GNA14: variants seen among roughly 807,000 people sequenced by gnomAD.
The protein encoded by GNA14 is guanine nucleotide-binding protein subunit alpha-14.
Under a neutral mutation model 42.0 loss-of-function variants are expected in GNA14, and 50 were observed. The observed-to-expected ratio is 1.19, with a 90% CI of 0.95 to 1.51. GNA14 has a LOEUF of 1.51. Ranked by LOEUF, GNA14 falls within the 40% of genes most tolerant of loss-of-function variation. GNA14 has a pLI of 0.00. For synonymous variants in GNA14, 173 were observed against 163.1 expected (o/e 1.06, Z -0.46); for missense variants, 473 against 446.2 (o/e 1.06, Z -0.54).
At chr9:77,591,047 C>G (rs1487905957) in intron 1 of GNA14, among the ~76,000 whole-genome samples, 2 of 152,194 alleles carry the variant, frequency 1.3e-5, no homozygotes, top group African/African-American at 4.8e-5. Flanking sequence ...TTAAAGTCAT[C>G]TCATTTTTAG....
Position 77,440,369 on chromosome 9 carries a change from C to A in GNA14, c.310-5847G>T, listed in dbSNP as rs1389214825. On this transcript the variant is annotated intron_variant, in intron 2 of 6. Coordinates refer to ENST00000341700, the MANE Select transcript of GNA14 (RefSeq NM_004297.4). ...TGGGACCCAGAGCCCAGCGGGCAGC[C>A]CCGTCTCCACCAGATCCTCCCCACG... 2.0e-5 allele frequency among the ~76,000 whole-genome samples: 3 copies of A among 152,292 alleles called. No individual in the cohort carries two copies. In the East Asian group the frequency reaches 5.8e-4, roughly 30 times the overall value.
chr9:77,515,423 A>G (rs949686210), intron 2 of GNA14, among the ~76,000 whole-genome samples: 1 of 152,230 alleles, frequency 6.6e-6, no homozygotes, highest in Non-Finnish European at 1.5e-5. Context: ...CTGAATGAGC[A>G]TGCGGCAGAG....
At chr9:77,626,131 A>G (rs1400856661) in intron 1 of GNA14, among the ~76,000 whole-genome samples, 1 of 152,228 alleles carries the variant, frequency 6.6e-6, no homozygotes, top group Non-Finnish European at 1.5e-5. Flanking sequence ...ACGAAGATCA[A>G]AAGAGACAAA....
intron 1 of GNA14, among the ~76,000 whole-genome samples, chr9:77,596,048 T>C (rs919612527): frequency 6.6e-6 from 1 of 151,996 alleles, no homozygotes; most frequent in African/African-American, 2.4e-5. Flanking sequence ...CACAAATGCA[T>C]TTCTAAGTGC....
At chr9:77,534,317 A>AT (rs2131772106) in intron 1 of GNA14, among the ~76,000 whole-genome samples, 1 of 152,304 alleles carries the variant, frequency 6.6e-6, no homozygotes, top group South Asian at 2.1e-4. Context: ...CATGAACCTC[A>AT]TCCCAATACA....
At chr9:77,468,843 A>G (rs996447963) in intron 2 of GNA14, among the ~76,000 whole-genome samples, 1 of 152,254 alleles carries the variant, frequency 6.6e-6, no homozygotes, top group African/African-American at 2.4e-5. Context: ...TGCGTGAGCA[A>G]GAAATAAATC....
intron 2 of GNA14, among the ~76,000 whole-genome samples, chr9:77,490,355 C>G (rs1267944528): frequency 6.6e-6 from 1 of 152,268 alleles, no homozygotes; most frequent in East Asian, 1.9e-4. Flanking sequence ...GCAGGTGGAG[C>G]TGCCTGCCTG....
intron 1 of GNA14, among the ~76,000 whole-genome samples, chr9:77,568,920 AAG>A (rs771417138): frequency 1.1e-4 from 16 of 152,296 alleles, no homozygotes; most frequent in Non-Finnish European, 2.1e-4. Context: ...GCAATTTGGA[AAG>A]AGACTGTCAT....
intron 1 of GNA14, among the ~76,000 whole-genome samples, chr9:77,575,708 ATC>A: frequency 6.6e-6 from 1 of 152,228 alleles, no homozygotes; most frequent in Non-Finnish European, 1.5e-5. Context: ...AATCCATCTC[ATC>A]TCCTACAAAT....
intron 1 of GNA14, among the ~76,000 whole-genome samples, chr9:77,536,699 C>T (rs1377056665): frequency 6.6e-6 from 1 of 152,148 alleles, no homozygotes; most frequent in South Asian, 2.1e-4. Flanking sequence ...TATTGCCTAA[C>T]CAAGAAGAGC....
chr9:77,592,182 G>A (rs1341975204), intron 1 of GNA14, among the ~76,000 whole-genome samples: 4 of 152,110 alleles, frequency 2.6e-5, no homozygotes, highest in South Asian at 2.1e-4. Flanking sequence ...GATTACAGGC[G>A]TGAGCCACCG....
intron 2 of GNA14, among the ~76,000 whole-genome samples, chr9:77,509,879 G>C (rs890898315): frequency 6.6e-6 from 1 of 152,172 alleles, no homozygotes; most frequent in African/African-American, 2.4e-5. Flanking sequence ...CAACAGTGGG[G>C]CAAACTGGCA....
chr9:77,434,627 C>T lies in GNA14; in HGVS notation c.310-105G>A. ...CTGGTCTGTGGATTTGGAGAGCTCT[C>T]ACTAGGCATGGGGCGTGGTGGGCAC... On this transcript the variant is annotated intron_variant, in intron 2 of 6. Transcript: ENST00000341700. The T allele has an allele frequency of 3.0e-6, 3 of 997,618 alleles. No individual in the cohort carries two copies. The South Asian group carries it at 4.7e-5, about 16-fold the overall frequency. The allele number at this position is 997,618 out of a possible 1,614,324, so 61.8% of individuals were successfully genotyped here.
At chr9:77,621,632 G>T (rs1198959925) in intron 1 of GNA14, among the ~76,000 whole-genome samples, 1 of 152,182 alleles carries the variant, frequency 6.6e-6, no homozygotes, top group Non-Finnish European at 1.5e-5. Context: ...GTAAGAGAGA[G>T]ACTTCATCAT....
intron 2 of GNA14, among the ~76,000 whole-genome samples, chr9:77,487,733 A>C (rs946379121): frequency 1.3e-5 from 2 of 152,216 alleles, no homozygotes; most frequent in Admixed American, 6.5e-5. Context: ...GTGGGTAAAT[A>C]GCAGTAAGAA....
chr9:77,444,942 C>G (rs12115529), intron 2 of GNA14, among the ~76,000 whole-genome samples: 25,435 of 152,164 alleles, frequency 0.17, 2,376 homozygotes, highest in East Asian at 0.36. Context: ...TCCAGGGCTG[C>G]CTGCTGGGAA....
intron 1 of GNA14, among the ~76,000 whole-genome samples, chr9:77,582,970 G>A (rs1405746912): frequency 6.6e-6 from 1 of 152,198 alleles, no homozygotes; most frequent in Non-Finnish European, 1.5e-5. Flanking sequence ...TTTCACACCT[G>A]TACCCAGCTA....
At chr9:77,456,531 G>T (rs990344304) in intron 2 of GNA14, 2 of 152,228 alleles carry the variant, frequency 1.3e-5, no homozygotes, top group Non-Finnish European at 2.9e-5. Context: ...AAGTAAGTAA[G>T]CATTTTCCTT....
intron 1 of GNA14, among the ~76,000 whole-genome samples, chr9:77,620,194 C>A (rs566988281): frequency 1.3e-5 from 2 of 152,232 alleles, no homozygotes; most frequent in South Asian, 2.1e-4. Context: ...AAACTCAGGG[C>A]TGGAAGGATT....
Sources: allele counts gnomAD v4.1 joint callset (sites outside exome capture counted in the v4.1 genomes callset), GRCh38; gene constraint gnomAD v4.1.1; transcripts MANE v1.5; gene names NCBI Gene and HGNC (gene_info 2026-07-23, HGNC 2026-07-21).